Variants in SQLE observed in about 807,000 individuals in gnomAD.
SQLE encodes squalene monooxygenase.
Under a neutral mutation model 60.7 loss-of-function variants are expected in SQLE, and 29 were observed. The observed-to-expected ratio is 0.48, with a 90% confidence interval of 0.36 to 0.65. The LOEUF is 0.65. Among genes scored for constraint, SQLE ranks in the 30% least tolerant of loss-of-function variants. The probability of loss-of-function intolerance (pLI) is 0.00; values close to 1 mark genes in which losing one functional copy is unlikely to be tolerated. For missense variants in SQLE, 605 were observed against 684.1 expected, an observed-to-expected ratio of 0.88 and a Z score of 1.29; for synonymous variants, 237 against 246.8, an observed-to-expected ratio of 0.96 and a Z score of 0.37.
At chr8:125,020,723 T>C (rs1245755965) in intron 9 of SQLE, 61 bp from the exon 10 acceptor site, 3 of 1,028,006 alleles carry the variant, frequency 2.9e-6, no homozygotes, top group Middle Eastern at 2.1e-4. Context: ...TTTTCTGATA[T>C]ATCATTAGCA....
intron 7 of SQLE, among the ~76,000 whole-genome samples, chr8:125,014,699 T>C (rs1815085129): frequency 6.6e-6 from 1 of 152,236 alleles, no homozygotes; most frequent in Non-Finnish European, 1.5e-5. Flanking sequence ...TTAATTTCCA[T>C]GTGTTTGTAT....
chr8:125,001,062 T>G (rs1398667941), intron 1 of SQLE, among the ~76,000 whole-genome samples: 3 of 152,068 alleles, frequency 2.0e-5, no homozygotes, highest in African/African-American at 7.2e-5. Flanking sequence ...TCTCTTAGGG[T>G]GAGCTTTATG....
chr8:125,020,138 T>A (rs1016138182), intron 9 of SQLE, among the ~76,000 whole-genome samples: 2 of 152,252 alleles, frequency 1.3e-5, no homozygotes, highest in African/African-American at 4.8e-5. Context: ...CAACATTTTT[T>A]AAAAGTTACA....
At chr8:125,014,472 C>T (rs922933722) in intron 7 of SQLE, among the ~76,000 whole-genome samples, 1 of 151,818 alleles carries the variant, frequency 6.6e-6, no homozygotes, top group Non-Finnish European at 1.5e-5. Flanking sequence ...TTTGCTCTTG[C>T]TTTTCTGGTT....
intron 2 of SQLE, among the ~76,000 whole-genome samples, chr8:125,005,140 CT>C (rs1814927472): frequency 6.6e-6 from 1 of 150,898 alleles, no homozygotes; most frequent in Non-Finnish European, 1.5e-5. Flanking sequence ...ATTTTTATTT[CT>C]TTTTGGTGAC....
chr8:125,013,115 GT>G (rs1464213347), intron 7 of SQLE, among the ~76,000 whole-genome samples: 1 of 152,042 alleles, frequency 6.6e-6, no homozygotes, highest in Admixed American at 6.6e-5. Flanking sequence ...TTTATGTATT[GT>G]TGAGTTTCAA....
At position 125,018,042 on chromosome 8, in the gene SQLE, A is replaced by C; in HGVS notation, c.1205-17A>C. On this transcript the variant is annotated splice_polypyrimidine_tract_variant and intron_variant, in intron 7 of 10. Transcript: ENST00000265896. ...AGGGATGCTCTAAAATAAAATCTTC[A>C]TTACCTCTCTTCATAGGTGTTCTTC... 6.2e-7 allele frequency: 1 copy of C among 1,610,568 alleles called. No individual in the cohort carries two copies. Among genetic ancestry groups the C allele is most frequent in the South Asian group, 1.1e-5 (1 of 90,328 alleles).
At chr8:125,021,110 G>A (rs1815196938) in intron 10 of SQLE, among the ~76,000 whole-genome samples, 1 of 152,202 alleles carries the variant, frequency 6.6e-6, no homozygotes, top group African/African-American at 2.4e-5. Flanking sequence ...TAAAATAGAA[G>A]CTTGTTTTTT....
intron 7 of SQLE, 69 bp from the exon 8 acceptor site, chr8:125,017,990 T>C: frequency 6.7e-7 from 1 of 1,487,372 alleles, no homozygotes; most frequent in South Asian, 1.2e-5. Context: ...TCTTTATACA[T>C]TGAGTTATCC....
chr8:125,013,356 C>CTTTTTCTTTTCTT lies in SQLE; in HGVS notation c.1204+1729_1204+1730insCTTTTCTTTTTTT, dbSNP rs71576761. On this transcript the variant is annotated intron_variant, in intron 7 of 10. Transcript: ENST00000265896. ...AGATTTACTCCTATGTTTTCTTTTT[C>CTTTTTCTTTTCTT]TTTTTTTTTTTTTGAGATGGAGTTT... 9.2e-4 allele frequency among the ~76,000 whole-genome samples: 126 copies of CTTTTTCTTTTCTT among 136,436 alleles called. 2 individuals carry two copies. The highest frequency in any genetic ancestry group is 3.2e-3 in the African/African-American group (112 of 35,176). 89.5% of individuals were successfully genotyped at this position (136,436 alleles called of 152,430 possible).
At chr8:125,018,006 G>T in intron 7 of SQLE, 53 bp from the exon 8 acceptor site, 12 of 1,566,904 alleles carry the variant, frequency 7.7e-6, no homozygotes, top group Admixed American at 5.9e-5. Context: ...TATCCTTTTT[G>T]TTTTGTCTCA....
chr8:124,998,701 C>G lies in SQLE; in HGVS notation c.-703C>G, dbSNP rs143118523. On this transcript the variant is annotated 5_prime_UTR_variant, in exon 1 of 11. Coordinates refer to ENST00000265896, the MANE Select transcript of SQLE (RefSeq NM_003129.4). ...GGAAGTGCAGTCGCGGTGGGCGGCT[C>G]TGGGGGCCAGCGAAACGGGAGGCCT... 4.9e-6 allele frequency: 3 copies of G among 615,034 alleles called. No individual in the cohort carries two copies. The highest frequency in any genetic ancestry group is 8.9e-6 in the Non-Finnish European group (3 of 338,550). The allele number at this position is 615,034 out of a possible 1,614,324, so 38.1% of individuals were successfully genotyped here.
intron 4 of SQLE, 58 bp downstream of exon 4, chr8:125,007,545 C>T (rs1485515092): frequency 5.7e-5 from 69 of 1,204,550 alleles, no homozygotes; most frequent in Non-Finnish European, 7.9e-5. Context: ...TGCTTTTTCA[C>T]TTACCCCTTT....
chr8:125,005,578 C>A lies in SQLE; in HGVS notation c.598C>A (p.Gln200Lys). 1 of 1,611,640 alleles carries A rather than the reference C, an allele frequency of 6.2e-7. No individual in the cohort carries two copies. The highest frequency in any genetic ancestry group is 8.5e-7 in the Non-Finnish European group (1 of 1,178,380). ...TGTAAATGGTTACATGATTCATGAT[C>A]AGGAAAGCAAATCAGAGGTTCAGAT... Reference protein sequence around the residue: ...QVVNGYMIHDQESKSEVQIPY... With the variant: ...QVVNGYMIHDKESKSEVQIPY... The change falls in exon 3 of 11, where the codon CAG becomes AAG. Residue 200 changes from glutamine (Q) to lysine (K), a missense_variant. Gln to Lys is a moderately conservative substitution (Grantham distance 53, BLOSUM62 1). Coordinates refer to ENST00000265896, the MANE Select transcript of SQLE (RefSeq NM_003129.4).
rs2129889317 is a variant in SQLE, at chr8:125,009,173, A to G, written c.938A>G (p.Asn313Ser). The G allele has an allele frequency of 1.3e-6, 2 of 1,594,778 alleles. No homozygotes were observed. The highest frequency in any genetic ancestry group is 1.7e-6 in the Non-Finnish European group (2 of 1,173,118). ...SSHFVGFLMK[N>S]APQFKANHAE... ...ACATTTTCTTTTTATTTGTTTTAGA[A>G]TGCACCACAGTTTAAAGCAAATCAT... is the stretch of plus-strand genomic sequence containing the variant. The change falls in exon 6 of 11, where the codon AAT becomes AGT. Residue 313 changes from asparagine to serine, a missense_variant and splice_region_variant. Transcript: ENST00000265896.
chr8:125,006,721 T>TG (rs1554587475), intron 3 of SQLE, among the ~76,000 whole-genome samples: 12 of 151,510 alleles, frequency 7.9e-5, no homozygotes, highest in Non-Finnish European at 2.9e-5. Flanking sequence ...TTTCTTTTTT[T>TG]TGAGACTGAG....
chr8:125,016,297 C>A lies in SQLE; in HGVS notation c.1205-1762C>A, dbSNP rs1281553815. The stretch of plus-strand genomic sequence containing the variant: ...TAGGTGTGCCTCATTCTTGATTATT[C>A]TTTTTTCTTTTGTCTCCTCTGTGTA... On this transcript the variant is annotated intron_variant, in intron 7 of 10. Coordinates refer to ENST00000265896, the MANE Select transcript of SQLE (RefSeq NM_003129.4). This position sits in a 1 kb window ranked among gnomAD's most constrained non-coding sequence, Gnocchi z 4.1. Among the ~76,000 whole-genome samples, 5 of 151,842 alleles carry A rather than the reference C, an allele frequency of 3.3e-5. No individual in the cohort carries two copies. Among genetic ancestry groups the A allele is most frequent in the African/African-American group, 7.3e-5 (3 of 41,316 alleles).
At position 125,021,913 on chromosome 8, in the gene SQLE, A is replaced by G. The variant is rs1270480239; in HGVS notation, c.1693A>G (p.Ile565Val). The G allele has an allele frequency of 6.2e-7, 1 of 1,606,134 alleles. No homozygotes were observed. ...YKACSVIFPL[I>V]YSEMKYMVH ...AGCGTGTTCTGTAATATTTCCTCTAATTTACTCAGAAATGAAGTATATGGT... is the reference window on the plus strand; with the variant it reads ...AGCGTGTTCTGTAATATTTCCTCTAGTTTACTCAGAAATGAAGTATATGGT... Residue 565 changes from isoleucine to valine, a missense_variant, in exon 11 of 11, where the codon ATT becomes GTT. Physicochemically the swap from Ile to Val is conservative, Grantham distance 29. Coordinates refer to ENST00000265896, the MANE Select transcript of SQLE (RefSeq NM_003129.4).
rs1486316397 is a variant in SQLE at position 124,999,429 on chromosome 8, C to T, written c.26C>T (p.Thr9Ile). The T allele has an allele frequency of 9.8e-6, 15 of 1,523,762 alleles. No individual in the cohort carries two copies. Among genetic ancestry groups the T allele is most frequent in the Non-Finnish European group, 1.3e-5 (15 of 1,135,338 alleles). 94.4% of individuals were successfully genotyped at this position (1,523,762 alleles called of 1,614,324 possible). A position where few individuals can be genotyped will look rare whatever the true frequency, so the allele number is the denominator to read the frequency against. Reference sequence around the variant, plus strand: ...ATGTGGACTTTTCTGGGCATTGCCACTTTCACCTATTTTTATAAGAAGTTC... The same window carrying T: ...ATGTGGACTTTTCTGGGCATTGCCATTTTCACCTATTTTTATAAGAAGTTC... MWTFLGIA[T>I]FTYFYKKFGD... The change falls in exon 1 of 11, where the codon ACT becomes ATT. Residue 9 changes from threonine (T) to isoleucine (I), a missense_variant. By Grantham distance (89) the Thr-to-Ile change is moderately conservative (BLOSUM62 -1). Coordinates refer to ENST00000265896, the MANE Select transcript of SQLE (RefSeq NM_003129.4).
Sources: allele counts gnomAD v4.1 joint callset (sites outside exome capture counted in the v4.1 genomes callset), GRCh38; gene constraint gnomAD v4.1.1; non-coding constraint Gnocchi (gnomAD v3.1); transcripts MANE v1.5; gene names NCBI Gene and HGNC (gene_info 2026-07-23, HGNC 2026-07-21).